The following MGA variants were observed in gnomAD, a reference collection of about 807,000 sequenced individuals.
MGA encodes the protein MAX dimerization protein MGA.
In MGA, 40 loss-of-function variants were observed where a neutral mutation model predicts 261.1. That is an observed-to-expected ratio of 0.15 (90% CI 0.12 to 0.20). The LOEUF is 0.20. Among genes scored for constraint, MGA ranks in the 10% least tolerant of loss-of-function variants. MGA has a pLI of 1.00. For synonymous variants in MGA, 1,302 were observed against 1,290.6 expected (o/e 1.01, Z -0.19); for missense variants, 3,397 against 3,630.5 (o/e 0.94, Z 1.65).
At chr15:41,662,950 A>G (rs902123111) in intron 1 of MGA, among the ~76,000 whole-genome samples, 3 of 152,210 alleles carry the variant, frequency 2.0e-5, no homozygotes, top group Non-Finnish European at 4.4e-5. Flanking sequence ...TTTTTAAATA[A>G]TGGTATTGAC....
At chr15:41,660,823 G>T (rs1284007857) in intron 1 of MGA, among the ~76,000 whole-genome samples, 1 of 152,214 alleles carries the variant, frequency 6.6e-6, no homozygotes, top group African/African-American at 2.4e-5. Flanking sequence ...GGGGTGAGAA[G>T]CGCCCATGGC....
At chr15:41,731,661 T>C (rs2061514906) in intron 11 of MGA, among the ~76,000 whole-genome samples, 1 of 152,240 alleles carries the variant, frequency 6.6e-6, no homozygotes, top group South Asian at 2.1e-4. Context: ...CAAACTTTTA[T>C]GAATAAAGAC....
In MGA at chr15:41,766,488, A is replaced by G. The variant is rs2063803817; in HGVS notation, c.8406A>G (p.Ala2802=). The G allele has an allele frequency of 6.2e-7, 1 of 1,613,920 alleles. No individual in the cohort carries two copies. Among genetic ancestry groups the G allele is most frequent in the South Asian group, 1.1e-5 (1 of 91,096 alleles). The stretch of plus-strand genomic sequence containing the variant: ...AAGTAACATCAGCTATAGAGGAAGC[A>G]GCTCTTGATTCCAGTGAACTGCTGA... The change falls in exon 24 of 24, where the codon GCA becomes GCG. Residue 2802 remains alanine (A), a synonymous_variant. Transcript: ENST00000219905.
chr15:41,635,834 A>G (rs868304107), intron 1 of MGA, among the ~76,000 whole-genome samples: 5 of 152,350 alleles, frequency 3.3e-5, no homozygotes, highest in South Asian at 2.1e-4. Context: ...TCTGTTGCAT[A>G]GTGATAGGGT....
At chr15:41,698,785 G>GT (rs1001911368) in intron 3 of MGA, 78 bp from the exon 4 acceptor site, 71 of 1,162,792 alleles carry the variant, frequency 6.1e-5, no homozygotes, top group Middle Eastern at 2.9e-4. Context: ...TGGTCTTTAA[G>GT]TTTTTTTTAA....
In MGA at chr15:41,686,005, A is replaced by C. The variant is rs1316741971; in HGVS notation, c.1065-10070A>C. ...GGGTGACAGAGTGAGACTCTGTCTC[A>C]AAAAAAAAAAAAAATAATAATAATA... On this transcript the variant is annotated intron_variant, in intron 2 of 23. Transcript: ENST00000219905. Among the ~76,000 whole-genome samples, 59 of 48,078 alleles carry C rather than the reference A, an allele frequency of 1.2e-3. No homozygotes were observed. The South Asian group carries it at 0.045, about 37-fold the overall frequency. 31.5% of individuals were successfully genotyped at this position (48,078 alleles called of 152,430 possible). A position where few individuals can be genotyped will look rare whatever the true frequency, so the allele number is the denominator to read the frequency against.
chr15:41,701,873 A>G (rs965324268), intron 5 of MGA, among the ~76,000 whole-genome samples: 1 of 152,182 alleles, frequency 6.6e-6, no homozygotes, highest in Non-Finnish European at 1.5e-5. Context: ...ATTCAACTAC[A>G]TGCTGACACA....
Position 41,750,318 on chromosome 15 carries a change from G to A in MGA, c.6711G>A (p.Leu2237=). The change falls in exon 17 of 24, where the codon TTG becomes TTA. Residue 2237 remains leucine, a synonymous_variant. Transcript: ENST00000219905. ...GAATTACTGAAGATGCCAGAGTTTT[G>A]AAAACTGAATGTGATTCTTGGAGTA... 3.7e-6 allele frequency: 6 copies of A among 1,614,020 alleles called. No homozygotes were observed. Among genetic ancestry groups the A allele is most frequent in the Non-Finnish European group, 5.1e-6 (6 of 1,179,898 alleles).
In MGA at chr15:41,766,288, A is replaced by G. The variant is rs753790219; in HGVS notation, c.8206A>G (p.Met2736Val). The change falls in exon 24 of 24, where the codon ATG becomes GTG. Residue 2736 changes from methionine to valine, a missense_variant. Coordinates refer to ENST00000219905, the MANE Select transcript of MGA (RefSeq NM_001164273.2). The stretch of plus-strand genomic sequence containing the variant: ...TCCACAAATAGTTGACGTTTCCAAT[A>G]TGCAGAAAGCACAAGAGTTCTTACC... 6.2e-7 allele frequency: 1 copy of G among 1,613,988 alleles called. No individual in the cohort carries two copies. Among genetic ancestry groups the G allele is most frequent in the South Asian group, 1.1e-5 (1 of 91,072 alleles).
chr15:41,751,432 T>C (rs1286308097), intron 17 of MGA: 2 of 152,188 alleles, frequency 1.3e-5, no homozygotes, highest in Admixed American at 6.6e-5. Context: ...ATTAAAACTT[T>C]AGTAAAAAAG....
At chr15:41,720,825 C>CAAAAT (rs905375181) in intron 9 of MGA, among the ~76,000 whole-genome samples, 33 of 151,794 alleles carry the variant, frequency 2.2e-4, no homozygotes, top group African/African-American at 5.8e-4. Context: ...GACTCTGTCT[C>CAAAAT]AAAATAAAAT....
intron 5 of MGA, among the ~76,000 whole-genome samples, chr15:41,703,132 C>T (rs1446643720): frequency 6.6e-6 from 1 of 152,064 alleles, no homozygotes; most frequent in African/African-American, 2.4e-5. Context: ...ATTCAGGATA[C>T]CACAAGACTT....
intron 2 of MGA, among the ~76,000 whole-genome samples, chr15:41,683,354 T>C (rs1331224887): frequency 6.6e-6 from 1 of 151,884 alleles, no homozygotes; most frequent in East Asian, 1.9e-4. Context: ...TCCTGAGTAG[T>C]TGGGACTGAC....
Position 41,669,946 on chromosome 15 carries a change from A to C in MGA, c.1052A>C (p.Glu351Ala), listed in dbSNP as rs759506834. 1 of 1,611,208 alleles carries C rather than the reference A, an allele frequency of 6.2e-7. No individual in the cohort carries two copies. Among genetic ancestry groups the C allele is most frequent in the East Asian group, 2.2e-5 (1 of 44,880 alleles). Residue 351 changes from glutamate to alanine, a missense_variant, in exon 2 of 24, where the codon GAG (glutamate) becomes GCG (alanine). Glu to Ala is a moderately radical substitution (Grantham distance 107, BLOSUM62 -1). Around this residue, in one of 9 missense-constraint regions of MGA, gnomAD observed 563 missense variants for 563.6 expected, o/e 1.00. Transcript: ENST00000219905. ...AGTGAAGTTCCTCAATTGAAGCAAG[A>C]GATTTCTGAATGGTAAGTAGTAGTT...
chr15:41,752,482 A>G (rs746220897), intron 17 of MGA, among the ~76,000 whole-genome samples: 20 of 152,006 alleles, frequency 1.3e-4, no homozygotes, highest in Non-Finnish European at 2.6e-4. Flanking sequence ...AGACCAAAAA[A>G]CAGTTCAACT....
At chr15:41,723,340 C>T (rs1021158781) in intron 9 of MGA, among the ~76,000 whole-genome samples, 2 of 152,194 alleles carry the variant, frequency 1.3e-5, no homozygotes, top group Non-Finnish European at 2.9e-5. Context: ...TTGTAGGGAG[C>T]CTGTTTTCAT....
chr15:41,738,155 C>T (rs1324805807), intron 13 of MGA, among the ~76,000 whole-genome samples: 1 of 151,944 alleles, frequency 6.6e-6, no homozygotes, highest in Admixed American at 6.6e-5. Flanking sequence ...AATACCAGCA[C>T]TTTGGGAGGT....
intron 2 of MGA, among the ~76,000 whole-genome samples, chr15:41,690,067 C>T (rs571142393): frequency 1.5e-4 from 23 of 152,234 alleles, no homozygotes; most frequent in Admixed American, 1.0e-3. Flanking sequence ...GAAAGAAAAC[C>T]CATTAAAAGT....
intron 5 of MGA, among the ~76,000 whole-genome samples, chr15:41,700,743 G>C (rs185634281): frequency 9.9e-5 from 15 of 152,102 alleles, no homozygotes; most frequent in African/African-American, 3.4e-4. Flanking sequence ...AAAATTTTAG[G>C]CTGTGCCCCA....
Sources: allele counts gnomAD v4.1 joint callset (sites outside exome capture counted in the v4.1 genomes callset), GRCh38; gene constraint gnomAD v4.1.1; regional missense constraint gnomAD v4.1.1; transcripts MANE v1.5; gene names NCBI Gene and HGNC (gene_info 2026-07-23, HGNC 2026-07-21).